DCP2: variants seen among roughly 807,000 people sequenced by gnomAD.
DCP2 encodes decapping mRNA 2.
In DCP2, 30 loss-of-function variants were observed where a neutral mutation model predicts 56.1. That is an observed-to-expected ratio of 0.53 (90% CI 0.40 to 0.73). The LOEUF (loss-of-function observed/expected upper bound fraction) is 0.73, where lower values mean the gene tolerates loss of function less well. Among genes scored for constraint, DCP2 ranks in the 30% least tolerant of loss-of-function variants. The pLI, the probability that DCP2 is intolerant of heterozygous loss-of-function variation, is 0.00. For synonymous variants in DCP2, 197 were observed against 163.3 expected (o/e 1.21, Z -1.57); for missense variants, 533 against 502.7 (o/e 1.06, Z -0.58).
chr5:113,021,868 T>G lies in DCP2; in HGVS notation c.*8384T>G, dbSNP rs1235596424. On this transcript the variant is annotated 3_prime_UTR_variant, in exon 11 of 11. Coordinates refer to ENST00000389063, the MANE Select transcript of DCP2 (RefSeq NM_152624.6). ...ATCTTTCTTTAAGAGGGGAAAAGAC[T>G]CTCTTCAATAGATAACTTCCTATTT... Among the ~76,000 whole-genome samples the G allele has an allele frequency of 6.6e-6, 1 of 152,208 alleles. No individual in the cohort carries two copies. Among genetic ancestry groups the G allele is most frequent in the Non-Finnish European group, 1.5e-5 (1 of 68,030 alleles).
At chr5:112,993,412 G>A (rs985817448) in intron 4 of DCP2, among the ~76,000 whole-genome samples, 1 of 152,010 alleles carries the variant, frequency 6.6e-6, no homozygotes, top group African/African-American at 2.4e-5. Flanking sequence ...ATCACCTGAG[G>A]TCAGGAGTTC....
At chr5:113,004,553 A>C (rs2150186419) in intron 8 of DCP2, among the ~76,000 whole-genome samples, 1 of 152,310 alleles carries the variant, frequency 6.6e-6, no homozygotes, top group Admixed American at 6.5e-5. Context: ...GGTTGTTTCC[A>C]GTTTGGGGCT....
intron 1 of DCP2, among the ~76,000 whole-genome samples, chr5:112,983,698 GA>G (rs199928421): frequency 2.8e-3 from 419 of 150,036 alleles, no homozygotes; most frequent in South Asian, 3.4e-3. Context: ...CCAGACTGGG[GA>G]AAAAAAAAGG....
intron 4 of DCP2, among the ~76,000 whole-genome samples, chr5:112,993,659 A>T (rs909305892): frequency 6.7e-6 from 1 of 149,070 alleles, no homozygotes; most frequent in African/African-American, 2.5e-5. Flanking sequence ...AAAAACCAAA[A>T]TTTTTTTTAC....
chr5:112,994,496 T>G (rs1164823785), intron 4 of DCP2, among the ~76,000 whole-genome samples: 1 of 152,178 alleles, frequency 6.6e-6, no homozygotes, highest in African/African-American at 2.4e-5. Context: ...AAATTCTATT[T>G]TAAAATCTTA....
intron 2 of DCP2, among the ~76,000 whole-genome samples, chr5:112,986,388 A>C (rs1332610779): frequency 2.0e-5 from 3 of 151,556 alleles, no homozygotes; most frequent in African/African-American, 7.3e-5. Flanking sequence ...CTCAGGCTGA[A>C]GTGCAGTAAT....
chr5:112,982,926 A>G (rs1321249809), intron 1 of DCP2, among the ~76,000 whole-genome samples: 2 of 152,192 alleles, frequency 1.3e-5, no homozygotes, highest in African/African-American at 4.8e-5. Flanking sequence ...ATTCATTAAT[A>G]CGCTTCTCCT....
chr5:113,000,080 AAAG>A (rs1182941743), intron 4 of DCP2, among the ~76,000 whole-genome samples: 70 of 150,504 alleles, frequency 4.7e-4, no homozygotes, highest in Non-Finnish European at 4.3e-4. Context: ...AAAAAAAAAA[AAAG>A]AAGAAGAAAA....
intron 4 of DCP2, among the ~76,000 whole-genome samples, chr5:112,995,565 C>T (rs1748809893): frequency 6.6e-6 from 1 of 152,152 alleles, no homozygotes; most frequent in Non-Finnish European, 1.5e-5. Flanking sequence ...TTGAGGGAAG[C>T]ACAGGCATCC....
At chr5:113,013,259 G>A (rs1749752025) in intron 10 of DCP2, 62 bp from the exon 11 acceptor site, 1 of 1,519,446 alleles carries the variant, frequency 6.6e-7, no homozygotes, top group Non-Finnish European at 8.9e-7. Context: ...AAAGGCAAAG[G>A]GCAGTATTTG....
At position 112,988,318 on chromosome 5, in the gene DCP2, T is replaced by TAA. The variant is rs71224870; in HGVS notation, c.205+2346_205+2347dup. 5.8e-3 allele frequency among the ~76,000 whole-genome samples: 787 copies of TAA among 136,696 alleles called. 4 individuals are homozygous for TAA. The highest frequency in any genetic ancestry group is 0.015 in the African/African-American group (547 of 36,770). 89.7% of individuals were successfully genotyped at this position (136,696 alleles called of 152,430 possible). On this transcript the variant is annotated intron_variant, in intron 2 of 10. Transcript: ENST00000389063. Reference sequence around the variant, plus strand: ...CAACACAGTAAAACCCCGTCTCTACTAAAAAAAAAAAAAAATACAAAAAAT... The same window carrying TAA: ...CAACACAGTAAAACCCCGTCTCTACTAAAAAAAAAAAAAAAAATACAAAAAAT...
chr5:112,977,860 G>A (rs151144633), intron 1 of DCP2, among the ~76,000 whole-genome samples: 93 of 152,164 alleles, frequency 6.1e-4, no homozygotes, highest in African/African-American at 2.1e-3. Context: ...CAGTTACTGT[G>A]TTTATGTTTT....
intron 2 of DCP2, among the ~76,000 whole-genome samples, chr5:112,987,608 A>G (rs62366969): frequency 0.26 from 35,965 of 140,280 alleles, 4,751 homozygotes; most frequent in Middle Eastern, 0.35. Flanking sequence ...GCAAGCCACC[A>G]CACCTAGGTG....
chr5:113,005,483 TAAAAAACA>T (rs1178497123), intron 8 of DCP2, among the ~76,000 whole-genome samples: 1 of 151,956 alleles, frequency 6.6e-6, no homozygotes, highest in African/African-American at 2.4e-5. Context: ...ATGGCTATAA[TAAAAAACA>T]AAAAAACAGA....
chr5:112,994,575 A>G (rs1748762716), intron 4 of DCP2, among the ~76,000 whole-genome samples: 1 of 152,196 alleles, frequency 6.6e-6, no homozygotes, highest in Admixed American at 6.5e-5. Flanking sequence ...TTTACTGTTC[A>G]CTATTATATA....
At chr5:112,992,834 G>T in intron 4 of DCP2, 64 bp downstream of exon 4, 1 of 1,282,712 alleles carries the variant, frequency 7.8e-7, no homozygotes. Flanking sequence ...ATTTTTTTTA[G>T]CCATATAGAC....
At chr5:113,005,981 C>G (rs1749410685) in intron 8 of DCP2, among the ~76,000 whole-genome samples, 1 of 151,958 alleles carries the variant, frequency 6.6e-6, no homozygotes, top group African/African-American at 2.4e-5. Context: ...AAAAAATGAG[C>G]CAGGCATGGT....
chr5:112,984,703 A>AAAAAAATATAT lies in DCP2; in HGVS notation c.54-1131_54-1130insAAAAATATATA. On this transcript the variant is annotated intron_variant, in intron 1 of 10. Coordinates refer to ENST00000389063, the MANE Select transcript of DCP2 (RefSeq NM_152624.6). ...TTCTTAATTAAAAAAAAAAAAAAAA[A>AAAAAAATATAT]ATATATATATATATATATATATTTG... 201 of 64,816 alleles carry AAAAAAATATAT rather than the reference A, an allele frequency of 3.1e-3. 4 individuals carry two copies. Among genetic ancestry groups the AAAAAAATATAT allele is most frequent in the African/African-American group, 0.015 (195 of 12,616 alleles). 4.0% of individuals were successfully genotyped at this position (64,816 alleles called of 1,614,324 possible). A position where few individuals can be genotyped will look rare whatever the true frequency, so the allele number is the denominator to read the frequency against.
chr5:112,976,854 G>C lies in DCP2; in HGVS notation c.-80G>C. On this transcript the variant is annotated 5_prime_UTR_variant, in exon 1 of 11. Coordinates refer to ENST00000389063, the MANE Select transcript of DCP2 (RefSeq NM_152624.6). ...CTTCCTCGGCTGCCAGCTCTCCGGC[G>C]AGCCGGAGTCCTAGTGCCGTACCGT... The C allele has an allele frequency of 6.8e-7, 1 of 1,463,016 alleles. No homozygotes were observed. Among genetic ancestry groups the C allele is most frequent in the Non-Finnish European group, 9.6e-7 (1 of 1,042,320 alleles). 90.6% of individuals were successfully genotyped at this position (1,463,016 alleles called of 1,614,324 possible).
Sources: allele counts gnomAD v4.1 joint callset (sites outside exome capture counted in the v4.1 genomes callset), GRCh38; gene constraint gnomAD v4.1.1; transcripts MANE v1.5; gene names NCBI Gene and HGNC (gene_info 2026-07-23, HGNC 2026-07-21).